The following PON3 variants were observed in gnomAD, a reference collection of about 807,000 sequenced individuals.
PON3 encodes the protein paraoxonase 3, also known as serum paraoxonase/lactonase 3.
A neutral mutation model predicts 36.3 loss-of-function variants in PON3; 37 were observed. That is an observed-to-expected ratio of 1.02 (90% CI 0.78 to 1.34). The LOEUF (loss-of-function observed/expected upper bound fraction) is 1.34, where lower values mean the gene tolerates loss of function less well. Among genes scored for constraint, PON3 ranks in the 40% most tolerant of loss-of-function variants. The pLI is 0.00. For missense variants in PON3, 415 were observed against 426.5 expected (o/e 0.97, Z 0.24); for synonymous variants, 155 against 154.8 (o/e 1.00, Z -0.01).
rs1216988269 is a variant in PON3, at chr7:95,396,322, A to G, written c.29T>C (p.Leu10Pro). The change falls in exon 1 of 9, where the codon CTG becomes CCG. Residue 10 changes from leucine to proline, a missense_variant. By Grantham distance (98) the Leu-to-Pro change is moderately conservative (BLOSUM62 -3). Transcript: ENST00000265627. The stretch of plus-strand genomic sequence containing the variant: ...CCCGACTAAGGACAGGCCGACCCCC[A>G]GCAGGACCAGCGCCACGAGCTTCCC... MGKLVALVL[L>P]GVGLSLVGEM... The G allele has an allele frequency of 6.2e-7, 1 of 1,613,964 alleles. No individual in the cohort carries two copies. The highest frequency in any genetic ancestry group is 8.5e-7 in the Non-Finnish European group (1 of 1,179,956).
chr7:95,365,720 T>TGGTAGGGCCATGTTATCTCTGAAG (rs1808675116), intron 5 of PON3: 1 of 152,162 alleles, frequency 6.6e-6, no homozygotes. Context: ...ACCGTGTTAT[T>TGGTAGGGCCATGTTATCTCTGAAG]GGTAGGGCCA....
chr7:95,375,158 T>C (rs1808886994), intron 3 of PON3, among the ~76,000 whole-genome samples: 1 of 151,990 alleles, frequency 6.6e-6, no homozygotes, highest in South Asian at 2.1e-4. Context: ...CAATTTTCAG[T>C]CTACTCTTTT....
chr7:95,388,980 C>G (rs1809260154), intron 3 of PON3, among the ~76,000 whole-genome samples: 2 of 151,994 alleles, frequency 1.3e-5, no homozygotes, highest in Admixed American at 6.6e-5. Flanking sequence ...AGGAGAAATA[C>G]CTAATGTAAA....
At chr7:95,375,788 T>G (rs1329973692) in intron 3 of PON3, among the ~76,000 whole-genome samples, 1 of 152,226 alleles carries the variant, frequency 6.6e-6, no homozygotes, top group African/African-American at 2.4e-5. Flanking sequence ...AGGTAGGAAT[T>G]TGTGGCAGCA....
At chr7:95,360,811 C>T (rs538388879) in intron 8 of PON3, among the ~76,000 whole-genome samples, 67 of 152,080 alleles carry the variant, frequency 4.4e-4, no homozygotes, top group Middle Eastern at 3.4e-3. Context: ...TTATGAGTTA[C>T]GAGTCTATAT....
chr7:95,364,369 T>C, intron 5 of PON3: 1 of 418,352 alleles, frequency 2.4e-6, no homozygotes, highest in South Asian at 2.2e-5. Flanking sequence ...TGGTTATCTG[T>C]GACAGTTGTA....
chr7:95,367,212 A>C, intron 5 of PON3, 150 bp downstream of exon 5: 1 of 910,112 alleles, frequency 1.1e-6, no homozygotes, highest in Non-Finnish European at 1.7e-6. Flanking sequence ...GGCGCTGGGA[A>C]GAGTCACCAT....
chr7:95,384,781 C>A (rs1809149532), intron 3 of PON3, among the ~76,000 whole-genome samples: 1 of 152,190 alleles, frequency 6.6e-6, no homozygotes, highest in African/African-American at 2.4e-5. Context: ...TTGTGGAAGA[C>A]AGTGTGGCGA....
At chr7:95,381,231 C>G (rs1224344655) in intron 3 of PON3, among the ~76,000 whole-genome samples, 1 of 152,138 alleles carries the variant, frequency 6.6e-6, no homozygotes, top group Non-Finnish European at 1.5e-5. Context: ...ACAACCAGTA[C>G]CAGCCACTGC....
At chr7:95,394,836 A>C in intron 1 of PON3, 122 bp from the exon 2 acceptor site, 2 of 800,698 alleles carry the variant, frequency 2.5e-6, no homozygotes, top group South Asian at 2.8e-5. Flanking sequence ...TGAATGACAT[A>C]ACAAGTAAGT....
chr7:95,393,334 C>T (rs942960842), intron 2 of PON3, among the ~76,000 whole-genome samples: 1 of 152,104 alleles, frequency 6.6e-6, no homozygotes, highest in Non-Finnish European at 1.5e-5. Context: ...ATAAGTGAAT[C>T]GGAGCTTCAG....
chr7:95,393,154 C>G (rs956587738), intron 2 of PON3, among the ~76,000 whole-genome samples: 3 of 152,162 alleles, frequency 2.0e-5, no homozygotes, highest in Non-Finnish European at 2.9e-5. Context: ...CAAAAGGGTA[C>G]TTTTTCTGTA....
At chr7:95,386,058 C>T (rs946682651) in intron 3 of PON3, among the ~76,000 whole-genome samples, 1 of 152,068 alleles carries the variant, frequency 6.6e-6, no homozygotes, top group African/African-American at 2.4e-5. Context: ...TCTGGTTATT[C>T]ACGATTAAAA....
intron 3 of PON3, among the ~76,000 whole-genome samples, chr7:95,378,001 A>C (rs1808958873): frequency 6.6e-6 from 1 of 152,176 alleles, no homozygotes; most frequent in South Asian, 2.1e-4. Context: ...AAGGAAGCTA[A>C]AAACCTTGAA....
In PON3 at chr7:95,360,049, G is replaced by A; in HGVS notation, c.989C>T (p.Thr330Ile). The change falls in exon 9 of 9, where the codon ACC becomes ATC. Residue 330 changes from threonine (T) to isoleucine (I), a missense_variant. Coordinates refer to ENST00000265627, the MANE Select transcript of PON3 (RefSeq NM_000940.3). Reference protein sequence around the residue: ...YANNGSVLQGTSVASVYHGKI... With the variant: ...YANNGSVLQGISVASVYHGKI... ...CCCATGGTACACAGAAGCCACAGAG[G>A]TGCCCTGAAGCACAGAGCCATTGTT... 1 of 1,613,260 alleles carries A rather than the reference G, an allele frequency of 6.2e-7. No individual in the cohort carries two copies. The highest frequency in any genetic ancestry group is 1.1e-5 in the South Asian group (1 of 91,058).
Position 95,360,013 on chromosome 7 carries a change from A to G in PON3, c.1025T>C (p.Ile342Thr). ...VASVYHGKILIGTVFHKTLYC... is the reference protein window; with the variant it reads ...VASVYHGKILTGTVFHKTLYC... ...CAGAGTTTTGTGAAATACGGTGCCT[A>G]TGAGAATTTTCCCATGGTACACAGA... The change falls in exon 9 of 9, where the codon ATA becomes ACA. Residue 342 changes from isoleucine to threonine, a missense_variant. By Grantham distance (89) the Ile-to-Thr change is moderately conservative (BLOSUM62 -1). Transcript: ENST00000265627. 2 of 1,611,456 alleles carry G rather than the reference A, an allele frequency of 1.2e-6. No homozygotes were observed. The highest frequency in any genetic ancestry group is 1.7e-6 in the Non-Finnish European group (2 of 1,179,536).
chr7:95,360,446 G>A (rs1325173432), intron 8 of PON3, among the ~76,000 whole-genome samples: 1 of 152,090 alleles, frequency 6.6e-6, no homozygotes, highest in Non-Finnish European at 1.5e-5. Context: ...CTCCCTCTGT[G>A]GGAAGAATCT....
chr7:95,363,540 T>C, intron 6 of PON3: 2 of 362,408 alleles, frequency 5.5e-6, no homozygotes, highest in South Asian at 5.2e-5. Flanking sequence ...TACTTTGTAC[T>C]TTCATAAGGG....
At chr7:95,389,105 C>A (rs1017552815) in intron 3 of PON3, among the ~76,000 whole-genome samples, 1 of 152,106 alleles carries the variant, frequency 6.6e-6, no homozygotes, top group Non-Finnish European at 1.5e-5. Context: ...AAAATCTAAA[C>A]TGACAATAGA....
Sources: gnomAD v4.1 joint callset for allele counts (sites outside exome capture counted in the v4.1 genomes callset) on GRCh38, gnomAD v4.1.1 for gene constraint, MANE v1.5 for transcripts, NCBI Gene and HGNC (gene_info 2026-07-23, HGNC 2026-07-21) for gene names.